FHIP1A: variants seen among roughly 807,000 people sequenced by gnomAD.
The protein encoded by FHIP1A is FHF complex subunit HOOK interacting protein 1A.
A neutral mutation model predicts 88.6 loss-of-function variants in FHIP1A; 61 were observed. The observed-to-expected ratio is 0.69, with a 90% CI of 0.56 to 0.85. The LOEUF (loss-of-function observed/expected upper bound fraction) is 0.85, where lower values mean the gene tolerates loss of function less well. Ranked by LOEUF, FHIP1A falls within the 40% of genes least tolerant of loss-of-function variation. FHIP1A has a pLI of 0.00. For synonymous variants in FHIP1A, 478 were observed against 496.0 expected (o/e 0.96, Z 0.48); for missense variants, 1,154 against 1,273.5 (o/e 0.91, Z 1.43).
At chr4:151,429,282 A>G (rs931088269) in intron 1 of FHIP1A, among the ~76,000 whole-genome samples, 2 of 152,254 alleles carry the variant, frequency 1.3e-5, no homozygotes, top group African/African-American at 4.8e-5. Context: ...AGTACCTAGT[A>G]CAGATTAGGT....
At chr4:151,413,593 T>C (rs1163845761) in intron 1 of FHIP1A, among the ~76,000 whole-genome samples, 1 of 152,136 alleles carries the variant, frequency 6.6e-6, no homozygotes, top group Non-Finnish European at 1.5e-5. Flanking sequence ...TAGCTGGGAC[T>C]ATAGGCATGC....
chr4:151,602,126 A>G (rs1028626012), intron 7 of FHIP1A, among the ~76,000 whole-genome samples: 4 of 152,118 alleles, frequency 2.6e-5, no homozygotes, highest in African/African-American at 9.7e-5. Context: ...GGGAGCTACA[A>G]TTCAAGATGA....
intron 1 of FHIP1A, among the ~76,000 whole-genome samples, chr4:151,410,166 G>A (rs1359481252): frequency 6.6e-6 from 1 of 152,192 alleles, no homozygotes; most frequent in Non-Finnish European, 1.5e-5. Flanking sequence ...GTTGGCTTGG[G>A]ACTTTGGGAA....
At chr4:151,625,882 T>G (rs1735934147) in intron 7 of FHIP1A, among the ~76,000 whole-genome samples, 1 of 152,202 alleles carries the variant, frequency 6.6e-6, no homozygotes, top group Non-Finnish European at 1.5e-5. Context: ...CTCACCTATG[T>G]GTGCACTTCT....
rs1305678290 is a variant in FHIP1A, at chr4:151,663,919, G to A, written c.*1165G>A. Among the ~76,000 whole-genome samples the A allele has an allele frequency of 6.6e-6, 1 of 152,126 alleles. No homozygotes were observed. ...ATGGGGTTCATTAGAAGGCCCCAAC[G>A]TGCTGTATGAGCGTCCCTCTGCTGC... On this transcript the variant is annotated 3_prime_UTR_variant, in exon 14 of 14. Coordinates refer to ENST00000435205, the MANE Select transcript of FHIP1A (RefSeq NM_001109977.3).
Position 151,544,560 on chromosome 4 carries a change from G to A in FHIP1A, c.-122-21578G>A, listed in dbSNP as rs115145364. On this transcript the variant is annotated intron_variant, in intron 3 of 13. Transcript: ENST00000435205. Reference sequence around the variant, plus strand: ...CAACTGGAGGGAGTGTGAAGATGGGGACCTGAAATATGGCCTGTCCCTCAC... The same window carrying A: ...CAACTGGAGGGAGTGTGAAGATGGGAACCTGAAATATGGCCTGTCCCTCAC... 7.8e-3 allele frequency among the ~76,000 whole-genome samples: 1,189 copies of A among 152,258 alleles called. 15 individuals are homozygous for A. Among genetic ancestry groups the A allele is most frequent in the African/African-American group, 0.025 (1,038 of 41,542 alleles).
At chr4:151,491,243 A>G (rs777613598) in intron 3 of FHIP1A, among the ~76,000 whole-genome samples, 2 of 152,194 alleles carry the variant, frequency 1.3e-5, no homozygotes, top group African/African-American at 2.4e-5. Flanking sequence ...TGTGAGGCAA[A>G]AACATCTGGT....
At chr4:151,489,718 C>G (rs1730215017) in intron 3 of FHIP1A, among the ~76,000 whole-genome samples, 1 of 152,134 alleles carries the variant, frequency 6.6e-6, no homozygotes, top group South Asian at 2.1e-4. Flanking sequence ...CCCTGATGAC[C>G]TGTAGGGTGC....
At chr4:151,430,615 A>C (rs1733554290) in intron 1 of FHIP1A, among the ~76,000 whole-genome samples, 1 of 152,188 alleles carries the variant, frequency 6.6e-6, no homozygotes. Flanking sequence ...TTGAGTCTAA[A>C]ATAACACATA....
chr4:151,518,070 C>G (rs1731312699), intron 3 of FHIP1A, among the ~76,000 whole-genome samples: 2 of 152,178 alleles, frequency 1.3e-5, no homozygotes, highest in Admixed American at 1.3e-4. Context: ...CAGTCATGTC[C>G]TAGGCCTTCA....
intron 3 of FHIP1A, among the ~76,000 whole-genome samples, chr4:151,496,912 C>A (rs2126656088): frequency 6.6e-6 from 1 of 151,444 alleles, no homozygotes; most frequent in East Asian, 1.9e-4. Context: ...ATAAAGAGAG[C>A]AAGTATGAAA....
At chr4:151,564,912 C>G (rs918948717) in intron 3 of FHIP1A, among the ~76,000 whole-genome samples, 1 of 152,108 alleles carries the variant, frequency 6.6e-6, no homozygotes, top group African/African-American at 2.4e-5. Context: ...TTAAATACTC[C>G]TAAACTATTT....
chr4:151,478,138 A>G (rs984212293), intron 2 of FHIP1A, among the ~76,000 whole-genome samples: 3 of 152,196 alleles, frequency 2.0e-5, no homozygotes, highest in African/African-American at 7.2e-5. Context: ...GAATCAATAC[A>G]TTATGTTACA....
intron 8 of FHIP1A, among the ~76,000 whole-genome samples, chr4:151,631,024 T>C (rs1736139252): frequency 6.6e-6 from 1 of 152,112 alleles, no homozygotes; most frequent in African/African-American, 2.4e-5. Context: ...GGGAAATATA[T>C]AGTTGTGAAC....
intron 1 of FHIP1A, among the ~76,000 whole-genome samples, chr4:151,452,052 C>T (rs1728810331): frequency 6.6e-6 from 1 of 152,290 alleles, no homozygotes; most frequent in South Asian, 2.1e-4. Context: ...AACTCTGGAG[C>T]TCAAGCAATC....
chr4:151,490,482 C>A (rs193005321), intron 3 of FHIP1A, among the ~76,000 whole-genome samples: 3 of 152,164 alleles, frequency 2.0e-5, no homozygotes, highest in Non-Finnish European at 4.4e-5. Context: ...CAAGGGATCA[C>A]CCTGTGGGAC....
rs375552801 is a variant in FHIP1A at position 151,662,054 on chromosome 4, A to G, written c.2870-447A>G. 3.2e-4 allele frequency among the ~76,000 whole-genome samples: 49 copies of G among 152,310 alleles called. No individual in the cohort carries two copies. The South Asian group carries it at 9.7e-3, about 30-fold the overall frequency. ...CCATTTCACCCAGCCTCCCTGCTGG[A>G]GCTATGCTGTGCTGTCAGGGCTTAA... On this transcript the variant is annotated intron_variant, in intron 13 of 13. Coordinates refer to ENST00000435205, the MANE Select transcript of FHIP1A (RefSeq NM_001109977.3).
Position 151,650,482 on chromosome 4 carries a change from T to G in FHIP1A, c.2441T>G (p.Phe814Cys). 6.4e-7 allele frequency: 1 copy of G among 1,551,538 alleles called. No individual in the cohort carries two copies. The change falls in exon 11 of 14, where the codon TTT becomes TGT. Residue 814 changes from phenylalanine (F) to cysteine (C), a missense_variant. Physicochemically the swap from Phe to Cys is radical, Grantham distance 205 (BLOSUM62 -2). Coordinates refer to ENST00000435205, the MANE Select transcript of FHIP1A (RefSeq NM_001109977.3). Reference sequence around the variant, plus strand: ...GATGAGGAGGATGACTTTGACTCTTTTATAGCGGAGATGCCTGCTGTAGAG... The same window carrying G: ...GATGAGGAGGATGACTTTGACTCTTGTATAGCGGAGATGCCTGCTGTAGAG... ...LEDEEDDFDS[F>C]IAEMPAVETV...
rs146878899 is a variant in FHIP1A at position 151,414,657 on chromosome 4, A to G, written c.-356+5192A>G. Among the ~76,000 whole-genome samples, 50 of 152,316 alleles carry G rather than the reference A, an allele frequency of 3.3e-4. 1 individual carries two copies. Among genetic ancestry groups the G allele is most frequent in the African/African-American group, 1.1e-3 (44 of 41,574 alleles). On this transcript the variant is annotated intron_variant, in intron 1 of 13. Transcript: ENST00000435205. ...GAGATGCTAAGGGGACTTTTCCAGT[A>G]TCTATGTGTTTTGCTTAATTTTGAA...
Sources: allele counts gnomAD v4.1 joint callset (sites outside exome capture counted in the v4.1 genomes callset), GRCh38; gene constraint gnomAD v4.1.1; transcripts MANE v1.5; gene names NCBI Gene and HGNC (gene_info 2026-07-23, HGNC 2026-07-21).